Variants in NCOA2 observed in about 807,000 individuals in gnomAD.
NCOA2 encodes the protein class E basic helix-loop-helix protein 75.
Under a neutral mutation model 145.1 loss-of-function variants are expected in NCOA2, and 21 were observed. The observed-to-expected ratio is 0.14, with a 90% CI of 0.10 to 0.21. NCOA2 has a LOEUF of 0.21. Ranked by LOEUF, NCOA2 falls within the 10% of genes least tolerant of loss-of-function variation. The pLI is 1.00. For missense variants in NCOA2, 1,472 were observed against 1,837.6 expected (o/e 0.80, Z 3.64); for synonymous variants, 619 against 637.5 (o/e 0.97, Z 0.44).
chr8:70,335,704 G>A (rs919885581), intron 1 of NCOA2, among the ~76,000 whole-genome samples: 5 of 152,138 alleles, frequency 3.3e-5, no homozygotes, highest in African/African-American at 1.2e-4. Flanking sequence ...TACAGTCTGT[G>A]TCAATTAATG....
chr8:70,288,364 A>C (rs1826400027), intron 2 of NCOA2, among the ~76,000 whole-genome samples: 1 of 152,092 alleles, frequency 6.6e-6, no homozygotes, highest in South Asian at 2.1e-4. Context: ...AGATCCCCTG[A>C]GGTTAGGAGT....
At chr8:70,126,104 A>G (rs2131444495) in intron 19 of NCOA2, among the ~76,000 whole-genome samples, 1 of 152,360 alleles carries the variant, frequency 6.6e-6, no homozygotes, top group South Asian at 2.1e-4. Flanking sequence ...ATTTACAGAT[A>G]ACTGGCAAAG....
At chr8:70,145,460 G>A (rs1192259620) in intron 12 of NCOA2, among the ~76,000 whole-genome samples, 1 of 152,070 alleles carries the variant, frequency 6.6e-6, no homozygotes, top group Non-Finnish European at 1.5e-5. Flanking sequence ...GAGTAGCTGG[G>A]ACTACAGCTG....
chr8:70,362,881 C>A (rs1291206641), intron 1 of NCOA2, among the ~76,000 whole-genome samples: 1 of 150,670 alleles, frequency 6.6e-6, no homozygotes, highest in Non-Finnish European at 1.5e-5. Context: ...AGTTTGAGAC[C>A]AGCCTGGGCA....
intron 11 of NCOA2, among the ~76,000 whole-genome samples, chr8:70,150,488 C>G (rs1284113201): frequency 6.6e-6 from 1 of 152,166 alleles, no homozygotes; most frequent in Non-Finnish European, 1.5e-5. Context: ...ATTAGAGCCA[C>G]AAGGGAACCA....
chr8:70,214,065 TC>T lies in NCOA2; in HGVS notation c.96del (p.Asn33ThrfsTer14). 1 of 1,601,966 alleles carries T rather than the reference TC, an allele frequency of 6.2e-7. No individual in the cohort carries two copies. The highest frequency in any genetic ancestry group is 8.5e-7 in the Non-Finnish European group (1 of 1,177,314). ...TGTTCACGATTACGTTTTTCAGTGTTCCTTTTGGGGCTTAAAAGAAGAAACA... is the reference window on the plus strand; with the variant it reads ...TGTTCACGATTACGTTTTTCAGTGTTCTTTTGGGGCTTAAAAGAAGAAACA... The part of the protein sequence containing the change: ...CPDQLGPSPK[R>X]NTEKRNREQE... On this transcript the variant is annotated frameshift_variant, in exon 4 of 23. Coordinates refer to ENST00000452400, the MANE Select transcript of NCOA2 (RefSeq NM_006540.4). LOFTEE classifies it high-confidence loss of function.
chr8:70,391,834 G>A (rs1321903195), intron 1 of NCOA2, among the ~76,000 whole-genome samples: 1 of 152,172 alleles, frequency 6.6e-6, no homozygotes, highest in African/African-American at 2.4e-5. Flanking sequence ...GGGACAGCTT[G>A]AAAAACTGAA....
chr8:70,336,477 TA>T (rs1341411066), intron 1 of NCOA2, among the ~76,000 whole-genome samples: 8 of 152,182 alleles, frequency 5.3e-5, no homozygotes, highest in African/African-American at 1.9e-4. Flanking sequence ...AGAAGTATCT[TA>T]ATTTATAAAG....
At chr8:70,306,750 G>A (rs1172588666) in intron 1 of NCOA2, among the ~76,000 whole-genome samples, 6 of 152,062 alleles carry the variant, frequency 3.9e-5, no homozygotes, top group East Asian at 1.9e-4. Context: ...GTGGTGGCGC[G>A]TGCCTGCAGT....
intron 4 of NCOA2, among the ~76,000 whole-genome samples, chr8:70,180,144 C>T (rs569143409): frequency 1.2e-4 from 19 of 152,212 alleles, no homozygotes; most frequent in Non-Finnish European, 2.4e-4. Flanking sequence ...AATACTAATT[C>T]TATCCTTGTC....
intron 1 of NCOA2, among the ~76,000 whole-genome samples, chr8:70,318,090 G>A (rs978012938): frequency 6.6e-6 from 1 of 152,136 alleles, no homozygotes; most frequent in Non-Finnish European, 1.5e-5. Flanking sequence ...GGAACATTGG[G>A]AAAGTCTTAT....
At chr8:70,213,199 G>C (rs149338553) in intron 4 of NCOA2, among the ~76,000 whole-genome samples, 1 of 152,020 alleles carries the variant, frequency 6.6e-6, no homozygotes, top group East Asian at 1.9e-4. Context: ...TTGGCCCTGG[G>C]CACCAAAACG....
intron 13 of NCOA2, 147 bp from the exon 14 acceptor site, chr8:70,141,546 G>A: frequency 1.3e-6 from 1 of 755,862 alleles, no homozygotes; most frequent in Non-Finnish European, 2.2e-6. Flanking sequence ...GCAGATGTGG[G>A]ACCTTGGCTA....
At chr8:70,173,415 T>G (rs1437648499) in intron 5 of NCOA2, among the ~76,000 whole-genome samples, 1 of 152,248 alleles carries the variant, frequency 6.6e-6, no homozygotes, top group Non-Finnish European at 1.5e-5. Context: ...AGTTTTTAAT[T>G]TGTAATTCAA....
chr8:70,228,887 T>C (rs1381349318), intron 2 of NCOA2, among the ~76,000 whole-genome samples: 3 of 152,170 alleles, frequency 2.0e-5, no homozygotes, highest in African/African-American at 4.8e-5. Context: ...CTGGTTCTAG[T>C]TGGGATAGAA....
intron 1 of NCOA2, among the ~76,000 whole-genome samples, chr8:70,358,308 C>A (rs1186108144): frequency 6.6e-6 from 1 of 152,006 alleles, no homozygotes; most frequent in Admixed American, 6.6e-5. Context: ...ATAGTCAAAA[C>A]AATATTGAAA....
At chr8:70,203,928 AAT>A (rs775891978) in intron 4 of NCOA2, among the ~76,000 whole-genome samples, 40 of 152,362 alleles carry the variant, frequency 2.6e-4, no homozygotes, top group Non-Finnish European at 4.3e-4. Flanking sequence ...AGTCTAAAAC[AAT>A]ATGTCTATTT....
At chr8:70,209,558 A>G (rs1045390861) in intron 4 of NCOA2, among the ~76,000 whole-genome samples, 4 of 152,122 alleles carry the variant, frequency 2.6e-5, no homozygotes, top group Non-Finnish European at 4.4e-5. Flanking sequence ...ACTTTAAGAA[A>G]TCGTTATAGC....
chr8:70,253,699 C>T (rs1823395512), intron 2 of NCOA2, among the ~76,000 whole-genome samples: 1 of 152,008 alleles, frequency 6.6e-6, no homozygotes, highest in African/African-American at 2.4e-5. Flanking sequence ...TGGATATCCT[C>T]ATGAAAAAGA....
Sources: gnomAD v4.1 joint callset for allele counts (sites outside exome capture counted in the v4.1 genomes callset) on GRCh38, gnomAD v4.1.1 for gene constraint, MANE v1.5 for transcripts, NCBI Gene and HGNC (gene_info 2026-07-23, HGNC 2026-07-21) for gene names.